The following MECOM variants were observed in gnomAD, a reference collection of about 807,000 sequenced individuals.
MECOM encodes histone-lysine N-methyltransferase MECOM.
In MECOM, 13 loss-of-function variants were observed where a neutral mutation model predicts 116.3. The observed-to-expected ratio is 0.11, with a 90% CI of 0.07 to 0.18. MECOM has a LOEUF of 0.18. MECOM is among the 10% of genes least tolerant of loss of function. MECOM has a pLI of 1.00. For missense variants in MECOM, 1,299 were observed against 1,509.0 expected (o/e 0.86, Z 2.31); for synonymous variants, 528 against 535.2 (o/e 0.99, Z 0.19).
chr3:169,582,567 G>A (rs1343348251), intron 1 of MECOM, among the ~76,000 whole-genome samples: 1 of 152,122 alleles, frequency 6.6e-6, no homozygotes, highest in Non-Finnish European at 1.5e-5. Context: ...CCTCACACAG[G>A]TTAAGTATCC....
intron 3 of MECOM, among the ~76,000 whole-genome samples, chr3:169,143,454 C>T (rs1738736344): frequency 6.6e-6 from 1 of 152,008 alleles, no homozygotes; most frequent in Non-Finnish European, 1.5e-5. Flanking sequence ...ATCAGTCACA[C>T]CAAGAAAACT....
At chr3:169,563,114 T>G (rs920348734) in intron 1 of MECOM, among the ~76,000 whole-genome samples, 4 of 151,532 alleles carry the variant, frequency 2.6e-5, no homozygotes, top group African/African-American at 7.3e-5. Context: ...ATGATTGCTT[T>G]GAAAGGGGTC....
chr3:169,558,651 A>G (rs1762302395), intron 1 of MECOM, among the ~76,000 whole-genome samples: 1 of 152,218 alleles, frequency 6.6e-6, no homozygotes, highest in African/African-American at 2.4e-5. Context: ...ACTGACTTAC[A>G]TGAAATAACA....
intron 2 of MECOM, among the ~76,000 whole-genome samples, chr3:169,255,413 C>T (rs192752709): frequency 6.6e-6 from 1 of 151,972 alleles, no homozygotes; most frequent in Admixed American, 6.6e-5. Context: ...AGGCACTAGA[C>T]ACAGGGACCC....
At chr3:169,647,737 G>A (rs1478426675) in intron 1 of MECOM, among the ~76,000 whole-genome samples, 1 of 152,154 alleles carries the variant, frequency 6.6e-6, no homozygotes, top group East Asian at 1.9e-4. Flanking sequence ...TTTTGCAGCT[G>A]ATAAAAGCTT....
chr3:169,460,620 T>C (rs1578162091), intron 1 of MECOM, among the ~76,000 whole-genome samples: 1 of 152,348 alleles, frequency 6.6e-6, no homozygotes, highest in East Asian at 1.9e-4. Flanking sequence ...GAATACGTTA[T>C]CTGAAACACA....
At chr3:169,181,430 A>G (rs1346946531) in intron 2 of MECOM, among the ~76,000 whole-genome samples, 2 of 152,212 alleles carry the variant, frequency 1.3e-5, no homozygotes, top group East Asian at 1.9e-4. Context: ...TCTTTCTAGA[A>G]AGTCCTATTT....
intron 2 of MECOM, among the ~76,000 whole-genome samples, chr3:169,258,249 G>C (rs1228636876): frequency 6.6e-6 from 1 of 151,922 alleles, no homozygotes; most frequent in African/African-American, 2.4e-5. Flanking sequence ...AAAAGAAAAA[G>C]TAGATTCCAG....
chr3:169,403,006 G>C (rs1178461472), intron 1 of MECOM, among the ~76,000 whole-genome samples: 1 of 152,152 alleles, frequency 6.6e-6, no homozygotes, highest in Non-Finnish European at 1.5e-5. Context: ...CTACTGTTGA[G>C]AACTTTGAGA....
At chr3:169,311,785 A>T (rs549742766) in intron 2 of MECOM, among the ~76,000 whole-genome samples, 1 of 152,312 alleles carries the variant, frequency 6.6e-6, no homozygotes, top group South Asian at 2.1e-4. Context: ...GAAATACTTT[A>T]CTAAAAGACA....
rs764403985 is a variant in MECOM, at chr3:169,089,131, G to A, written c.3454C>T (p.His1152Tyr). The A allele has an allele frequency of 2.5e-6, 4 of 1,600,826 alleles. No individual in the cohort carries two copies. In the South Asian group the frequency reaches 4.5e-5, roughly 18 times the overall value. ...CTCATTTTGAGGCTATCTGTGAAGT[G>A]CCTTATATGATCTAGAGCAGAAAGT... ...SGLSALDHIRHFTDSLKMRKM... is the reference protein window; with the variant it reads ...SGLSALDHIRYFTDSLKMRKM... The change falls in exon 16 of 17, where the codon CAC becomes TAC. Residue 1152 changes from histidine to tyrosine, a missense_variant. By Grantham distance (83) the His-to-Tyr change is moderately conservative. Around this residue, in one of 6 missense-constraint regions of MECOM, gnomAD observed 273 missense variants for 289.3 expected, o/e 0.94. Transcript: ENST00000651503.
intron 1 of MECOM, among the ~76,000 whole-genome samples, chr3:169,658,523 G>T (rs952695314): frequency 5.9e-5 from 9 of 152,228 alleles, no homozygotes; most frequent in African/African-American, 2.2e-4. Flanking sequence ...GGGAAGCAGC[G>T]CGCCAGGCAC....
At chr3:169,440,879 C>T (rs2108610285) in intron 1 of MECOM, among the ~76,000 whole-genome samples, 1 of 152,220 alleles carries the variant, frequency 6.6e-6, no homozygotes, top group Middle Eastern at 3.4e-3. Flanking sequence ...AAGAGATATT[C>T]ATGTTGGGTG....
intron 1 of MECOM, among the ~76,000 whole-genome samples, chr3:169,441,882 C>G (rs1459400908): frequency 1.3e-5 from 2 of 151,768 alleles, no homozygotes; most frequent in African/African-American, 2.4e-5. Flanking sequence ...AGGCACCCAC[C>G]ACCACGCCTG....
intron 2 of MECOM, among the ~76,000 whole-genome samples, chr3:169,334,056 A>G (rs978170299): frequency 2.0e-5 from 3 of 152,110 alleles, no homozygotes; most frequent in African/African-American, 2.4e-5. Flanking sequence ...AAAAAAATAA[A>G]TAAAAAACTT....
intron 2 of MECOM, among the ~76,000 whole-genome samples, chr3:169,327,890 A>AGC (rs1283181647): frequency 6.6e-6 from 1 of 152,162 alleles, no homozygotes; most frequent in Non-Finnish European, 1.5e-5. Context: ...CCTTCTTTGA[A>AGC]GCCCTTAAAT....
At chr3:169,117,783 C>T (rs1022248943) in intron 7 of MECOM, among the ~76,000 whole-genome samples, 5 of 152,206 alleles carry the variant, frequency 3.3e-5, no homozygotes, top group Non-Finnish European at 5.9e-5. Flanking sequence ...TAAGACCAAA[C>T]TTTGTAACCC....
At chr3:169,534,550 A>G (rs1759091013) in intron 1 of MECOM, among the ~76,000 whole-genome samples, 1 of 151,886 alleles carries the variant, frequency 6.6e-6, no homozygotes, top group African/African-American at 2.4e-5. Flanking sequence ...CCTTTTATTA[A>G]AAAAAAACCC....
chr3:169,637,606 G>A (rs760756214), intron 1 of MECOM, among the ~76,000 whole-genome samples: 4 of 152,054 alleles, frequency 2.6e-5, no homozygotes, highest in Admixed American at 6.5e-5. Context: ...GTCCTAATTC[G>A]GACTGTTGGA....
Sources: gnomAD v4.1 joint callset for allele counts (sites outside exome capture counted in the v4.1 genomes callset) on GRCh38, gnomAD v4.1.1 for gene constraint, gnomAD v4.1.1 regional missense constraint, MANE v1.5 for transcripts, NCBI Gene and HGNC (gene_info 2026-07-23, HGNC 2026-07-21) for gene names.